GAREM1: variants seen among roughly 807,000 people sequenced by gnomAD.
The protein encoded by GAREM1 is GRB2-associated and regulator of MAPK protein 1.
In GAREM1, 26 loss-of-function variants were observed where a neutral mutation model predicts 71.3. The ratio of observed to expected loss-of-function variants is 0.36; its 90% CI spans 0.27 to 0.51. The LOEUF is 0.51. Among genes scored for constraint, GAREM1 ranks in the 20% least tolerant of loss-of-function variants. The pLI, the probability that GAREM1 is intolerant of heterozygous loss-of-function variation, is 0.95. For missense variants in GAREM1, 1,026 were observed against 1,103.1 expected (o/e 0.93, Z 0.99); for synonymous variants, 440 against 433.2 (o/e 1.02, Z -0.20).
At chr18:32,412,325 T>C (rs2048428106) in intron 1 of GAREM1, 35 of 1,594,328 alleles carry the variant, frequency 2.2e-5, no homozygotes, top group Non-Finnish European at 3.0e-5. Context: ...GGCCAGAGTT[T>C]CTGCCTCCAA....
chr18:32,457,027 A>C (rs545951760), intron 1 of GAREM1, among the ~76,000 whole-genome samples: 65 of 152,024 alleles, frequency 4.3e-4, no homozygotes, highest in Non-Finnish European at 8.2e-4. Flanking sequence ...TATGAAGAAG[A>C]TATGAAGAAC....
At chr18:32,278,420 A>G (rs1244355231) in intron 4 of GAREM1, among the ~76,000 whole-genome samples, 1 of 152,192 alleles carries the variant, frequency 6.6e-6, no homozygotes, top group Non-Finnish European at 1.5e-5. Context: ...AGGTGGTGTA[A>G]GGATCGTTTT....
rs2048003827 is a variant in GAREM1, at chr18:32,373,367, T to C, written c.262+19528A>G. 2.0e-5 allele frequency among the ~76,000 whole-genome samples: 3 copies of C among 152,140 alleles called. No homozygotes were observed. In the South Asian group the frequency reaches 6.2e-4, roughly 32 times the overall value. ...TCTACCACTACCCTAAGCTGATGAATGTCTGTATCCCCTACAAAATTCAGA... is the reference window on the plus strand; with the variant it reads ...TCTACCACTACCCTAAGCTGATGAACGTCTGTATCCCCTACAAAATTCAGA... On this transcript the variant is annotated intron_variant, in intron 2 of 5. Coordinates refer to ENST00000269209, the MANE Select transcript of GAREM1 (RefSeq NM_001242409.2).
At chr18:32,326,664 G>C (rs1567965432) in intron 2 of GAREM1, among the ~76,000 whole-genome samples, 1 of 152,154 alleles carries the variant, frequency 6.6e-6, no homozygotes, top group African/African-American at 2.4e-5. Flanking sequence ...CCCCTCACAA[G>C]AGACCGACAC....
At chr18:32,314,904 A>C (rs931292018) in intron 2 of GAREM1, among the ~76,000 whole-genome samples, 1 of 152,078 alleles carries the variant, frequency 6.6e-6, no homozygotes, top group African/African-American at 2.4e-5. Flanking sequence ...TTGATTAAGA[A>C]ATTATAGATT....
At chr18:32,362,207 T>C (rs982000220) in intron 2 of GAREM1, among the ~76,000 whole-genome samples, 3 of 152,216 alleles carry the variant, frequency 2.0e-5, no homozygotes, top group African/African-American at 4.8e-5. Flanking sequence ...TTCACTCATC[T>C]TTCTCATCAG....
intron 3 of GAREM1, 78 bp downstream of exon 3, chr18:32,310,115 A>G: frequency 6.6e-7 from 1 of 1,506,750 alleles, no homozygotes; most frequent in Non-Finnish European, 9.1e-7. Context: ...ACAGATGAAC[A>G]CTTACTGTGT....
chr18:32,421,070 T>C (rs2048515686), intron 1 of GAREM1, among the ~76,000 whole-genome samples: 1 of 152,192 alleles, frequency 6.6e-6, no homozygotes, highest in Non-Finnish European at 1.5e-5. Flanking sequence ...AATGAAACTA[T>C]ATTAAGCTTC....
chr18:32,418,812 C>G (rs773067570), intron 1 of GAREM1, among the ~76,000 whole-genome samples: 2 of 152,166 alleles, frequency 1.3e-5, no homozygotes, highest in Admixed American at 6.5e-5. Context: ...GAGATGCTAA[C>G]ACTGCAAGAC....
intron 1 of GAREM1, among the ~76,000 whole-genome samples, chr18:32,455,465 G>C (rs1311310498): frequency 6.6e-6 from 1 of 152,074 alleles, no homozygotes; most frequent in Admixed American, 6.5e-5. Flanking sequence ...CAAGCTGAGT[G>C]CAACTTGCAA....
At chr18:32,318,733 A>G (rs181047460) in intron 2 of GAREM1, among the ~76,000 whole-genome samples, 3 of 152,294 alleles carry the variant, frequency 2.0e-5, no homozygotes, top group Non-Finnish European at 4.4e-5. Context: ...ATGGCAGTCT[A>G]CTTTGTGTAT....
intron 1 of GAREM1, among the ~76,000 whole-genome samples, chr18:32,438,146 T>G (rs930744207): frequency 6.6e-6 from 1 of 152,218 alleles, no homozygotes; most frequent in African/African-American, 2.4e-5. Context: ...AAACTTCAGC[T>G]GCCATTCCTA....
intron 2 of GAREM1, among the ~76,000 whole-genome samples, chr18:32,354,930 A>G (rs1211929929): frequency 1.3e-5 from 2 of 152,238 alleles, no homozygotes; most frequent in African/African-American, 4.8e-5. Context: ...TTCCATATAC[A>G]AAATTATCTC....
At chr18:32,293,962 C>A (rs1180122722) in intron 3 of GAREM1, among the ~76,000 whole-genome samples, 1 of 152,088 alleles carries the variant, frequency 6.6e-6, no homozygotes, top group African/African-American at 2.4e-5. Context: ...GTATTCTTAA[C>A]AAAATTTCCA....
intron 2 of GAREM1, among the ~76,000 whole-genome samples, chr18:32,370,283 C>G (rs930524635): frequency 6.6e-6 from 1 of 151,998 alleles, no homozygotes; most frequent in Non-Finnish European, 1.5e-5. Context: ...AAAAAATTAG[C>G]TGGACGTGGT....
At chr18:32,469,327 G>GCT (rs2049027938) in intron 1 of GAREM1, among the ~76,000 whole-genome samples, 1 of 152,174 alleles carries the variant, frequency 6.6e-6, no homozygotes, top group African/African-American at 2.4e-5. Flanking sequence ...TGTAGTCACA[G>GCT]CTCTGCCTGC....
At chr18:32,363,302 T>C (rs1274935472) in intron 2 of GAREM1, among the ~76,000 whole-genome samples, 1 of 152,238 alleles carries the variant, frequency 6.6e-6, no homozygotes, top group Admixed American at 6.5e-5. Flanking sequence ...TAGCCATTAA[T>C]TGTAATTGTA....
At chr18:32,271,622 G>A (rs2041464518) in intron 4 of GAREM1, among the ~76,000 whole-genome samples, 1 of 152,152 alleles carries the variant, frequency 6.6e-6, no homozygotes, top group African/African-American at 2.4e-5. Context: ...GATGCTACCT[G>A]ACCATGGTCC....
intron 1 of GAREM1, 115 bp from the exon 2 acceptor site, chr18:32,393,150 C>A: frequency 2.1e-6 from 2 of 968,442 alleles, no homozygotes; most frequent in Non-Finnish European, 2.9e-6. Context: ...ACAGTTCATC[C>A]CAAGATGAGA....
Sources: gnomAD v4.1 joint callset for allele counts (sites outside exome capture counted in the v4.1 genomes callset) on GRCh38, gnomAD v4.1.1 for gene constraint, MANE v1.5 for transcripts, NCBI Gene and HGNC (gene_info 2026-07-23, HGNC 2026-07-21) for gene names.